The following PAQR5 variants were observed in gnomAD, a reference collection of about 807,000 sequenced individuals.
PAQR5 encodes membrane progestin receptor gamma.
A neutral mutation model predicts 34.5 loss-of-function variants in PAQR5; 20 were observed. The observed-to-expected ratio is 0.58, with a 90% confidence interval of 0.41 to 0.84. PAQR5 has a LOEUF of 0.84. Among genes scored for constraint, PAQR5 ranks in the 40% least tolerant of loss-of-function variants. The pLI is 0.00. For missense variants in PAQR5, 378 were observed against 412.7 expected (o/e 0.92, Z 0.73); for synonymous variants, 131 against 155.6 (o/e 0.84, Z 1.18).
chr15:69,396,924 A>C (rs375363052), intron 6 of PAQR5: 49 of 314,164 alleles, frequency 1.6e-4, no homozygotes, highest in African/African-American at 9.4e-4. Flanking sequence ...ACGTTTATTT[A>C]GTTTTCCCAA....
At chr15:69,397,710 C>T in intron 7 of PAQR5, 146 bp downstream of exon 7, 1 of 663,304 alleles carries the variant, frequency 1.5e-6, no homozygotes, top group Non-Finnish European at 2.7e-6. Context: ...GCCAGCCCCT[C>T]CACACCTGTG....
At chr15:69,332,281 T>C (rs2054398262) in intron 1 of PAQR5, among the ~76,000 whole-genome samples, 1 of 152,208 alleles carries the variant, frequency 6.6e-6, no homozygotes, top group East Asian at 1.9e-4. Context: ...AAGCCCGCTT[T>C]TCAAGCCAGC....
intron 5 of PAQR5, among the ~76,000 whole-genome samples, chr15:69,387,947 C>G (rs1338873095): frequency 6.6e-6 from 1 of 152,224 alleles, no homozygotes; most frequent in East Asian, 1.9e-4. Context: ...GCCTGCCAGC[C>G]ATGCTGGCAC....
intron 2 of PAQR5, among the ~76,000 whole-genome samples, chr15:69,345,246 AC>A (rs1241479564): frequency 1.3e-5 from 2 of 152,250 alleles, no homozygotes; most frequent in Non-Finnish European, 2.9e-5. Flanking sequence ...TGTATGCCTA[AC>A]TACATTAGTG....
At chr15:69,394,761 G>A (rs2056368247) in intron 6 of PAQR5, among the ~76,000 whole-genome samples, 1 of 152,248 alleles carries the variant, frequency 6.6e-6, no homozygotes. Flanking sequence ...TGCTGCGGCT[G>A]TGGTTCTGCT....
intron 2 of PAQR5, among the ~76,000 whole-genome samples, chr15:69,358,074 G>A (rs561760328): frequency 1.3e-5 from 2 of 152,292 alleles, no homozygotes; most frequent in East Asian, 3.9e-4. Flanking sequence ...CTATGAGGAG[G>A]GCTCTCAGGA....
intron 6 of PAQR5, chr15:69,391,519 C>T (rs1037830774): frequency 5.7e-5 from 21 of 370,158 alleles, no homozygotes; most frequent in Non-Finnish European, 8.5e-5. Flanking sequence ...AATAACCCTG[C>T]GGAAACAAGT....
Position 69,404,082 on chromosome 15 carries a change from T to C in PAQR5, c.*260T>C. 2 of 386,236 alleles carry C rather than the reference T, an allele frequency of 5.2e-6. No individual in the cohort carries two copies. The highest frequency in any genetic ancestry group is 9.3e-6 in the Non-Finnish European group (2 of 215,246). The allele number at this position is 386,236 out of a possible 1,614,324, so 23.9% of individuals were successfully genotyped here. On this transcript the variant is annotated 3_prime_UTR_variant, in exon 9 of 9. Coordinates refer to ENST00000395407, the MANE Select transcript of PAQR5 (RefSeq NM_017705.4). ...GCAAACTATTGATATTTCATTAATT[T>C]TAAATTTACTTAAAATGTGGTTTTA...
chr15:69,310,172 G>A (rs1279709787), intron 1 of PAQR5, among the ~76,000 whole-genome samples: 1 of 152,160 alleles, frequency 6.6e-6, no homozygotes, highest in Non-Finnish European at 1.5e-5. Context: ...AGGCAGTTTT[G>A]AGCCTTTTGC....
chr15:69,308,049 CT>C (rs1003553286), intron 1 of PAQR5, among the ~76,000 whole-genome samples: 45 of 152,326 alleles, frequency 3.0e-4, no homozygotes, highest in African/African-American at 9.4e-4. Flanking sequence ...GAGCTAGTTG[CT>C]GAGTTCAAGG....
chr15:69,403,479 G>A (rs1007241916), intron 8 of PAQR5, 102 bp from the exon 9 acceptor site: 20 of 1,096,276 alleles, frequency 1.8e-5, no homozygotes, highest in Non-Finnish European at 2.5e-5. Context: ...CTCCTGTCTG[G>A]TTTCTTTCAC....
At chr15:69,332,778 G>GA (rs2054413870) in intron 1 of PAQR5, among the ~76,000 whole-genome samples, 1 of 2,522 alleles carries the variant, frequency 4.0e-4, no homozygotes, top group African/African-American at 1.9e-3. Context: ...TCTAAATCTT[G>GA]TAAAAAAAAA....
chr15:69,320,250 T>C (rs1013658091), intron 1 of PAQR5, among the ~76,000 whole-genome samples: 1 of 152,232 alleles, frequency 6.6e-6, no homozygotes, highest in African/African-American at 2.4e-5. Flanking sequence ...TGGTGCTAGA[T>C]CTACAGGGCT....
chr15:69,315,886 G>A lies in PAQR5; in HGVS notation c.-277+16830G>A, dbSNP rs564170681. Among the ~76,000 whole-genome samples, 29 of 152,182 alleles carry A rather than the reference G, an allele frequency of 1.9e-4. No homozygotes were observed. In the East Asian group the frequency reaches 5.6e-3, roughly 29 times the overall value. ...ACTGTCATGCACTTGCCAGTCTCAT[G>A]CCGCTTCCTTCCCCTTGGGCTCGGG... On this transcript the variant is annotated intron_variant, in intron 1 of 8. Transcript: ENST00000395407.
In PAQR5 at chr15:69,400,034, A is replaced by C; in HGVS notation, c.670A>C (p.Met224Leu). 2 of 1,614,168 alleles carry C rather than the reference A, an allele frequency of 1.2e-6. No individual in the cohort carries two copies. The highest frequency in any genetic ancestry group is 1.7e-6 in the Non-Finnish European group (2 of 1,179,974). Residue 224 changes from methionine to leucine, a missense_variant, in exon 8 of 9, where the codon ATG (methionine) becomes CTG (leucine). Physicochemically the swap from Met to Leu is conservative, Grantham distance 15. Transcript: ENST00000395407. ...AGCCACCTCGTACCACCAGAAGCAC[A>C]TGATCATGACCCTCCTGGCCTCTTT... The part of the protein sequence containing the change: ...NEATSYHQKH[M>L]IMTLLASFLY...
chr15:69,352,256 A>T (rs55909027), intron 2 of PAQR5, among the ~76,000 whole-genome samples: 3,161 of 152,286 alleles, frequency 0.021, 118 homozygotes, highest in African/African-American at 0.072. Flanking sequence ...CCTTAGTAGG[A>T]CTGGGCCTTA....
intron 3 of PAQR5, among the ~76,000 whole-genome samples, chr15:69,375,749 C>T (rs946477001): frequency 4.6e-5 from 7 of 152,268 alleles, no homozygotes; most frequent in Admixed American, 3.3e-4. Flanking sequence ...ATAAAAGGCT[C>T]TTCCTCACAA....
chr15:69,310,831 G>A (rs934368731), intron 1 of PAQR5, among the ~76,000 whole-genome samples: 3 of 151,876 alleles, frequency 2.0e-5, no homozygotes, highest in Non-Finnish European at 4.4e-5. Context: ...GAGGTCAGGA[G>A]ATCAAGACCA....
rs1364591650 is a variant in PAQR5, at chr15:69,382,704, ATG to A, written c.180-1971_180-1970del. On this transcript the variant is annotated intron_variant, in intron 4 of 8. Coordinates refer to ENST00000395407, the MANE Select transcript of PAQR5 (RefSeq NM_017705.4). ...TATATATATATATATATATATATAT[ATG>A]TATGTATGTATATATGTATGTATAT... is the stretch of plus-strand genomic sequence containing the variant. 7.0e-3 allele frequency among the ~76,000 whole-genome samples: 771 copies of A among 109,960 alleles called. 19 individuals are homozygous for A. Among genetic ancestry groups the A allele is most frequent in the East Asian group, 0.037 (134 of 3,628 alleles). 72.1% of individuals were successfully genotyped at this position (109,960 alleles called of 152,430 possible). A position where few individuals can be genotyped will look rare whatever the true frequency, so the allele number is the denominator to read the frequency against.
Sources: gnomAD v4.1 joint callset for allele counts (sites outside exome capture counted in the v4.1 genomes callset) on GRCh38, gnomAD v4.1.1 for gene constraint, MANE v1.5 for transcripts, NCBI Gene and HGNC (gene_info 2026-07-23, HGNC 2026-07-21) for gene names.